ROBO2: variants seen among roughly 807,000 people sequenced by gnomAD.
ROBO2 encodes roundabout guidance receptor 2, also known as roundabout homolog 2.
In ROBO2, 53 loss-of-function variants were observed where a neutral mutation model predicts 160.8. The observed-to-expected ratio is 0.33, with a 90% CI of 0.26 to 0.41. The LOEUF is 0.41. Ranked by LOEUF, ROBO2 falls within the 10% of genes least tolerant of loss-of-function variation. The pLI, the probability that ROBO2 is intolerant of heterozygous loss-of-function variation, is 1.00. For synonymous variants in ROBO2, 664 were observed against 611.7 expected, an observed-to-expected ratio of 1.09 and a Z score of -1.26; for missense variants, 1,577 against 1,722.4, an observed-to-expected ratio of 0.92 and a Z score of 1.49.
At chr3:75,936,964 G>A (rs1947810854) in intron 1 of ROBO2, among the ~76,000 whole-genome samples, 1 of 151,956 alleles carries the variant, frequency 6.6e-6, no homozygotes, top group Admixed American at 6.6e-5. Flanking sequence ...TTTTGCACAT[G>A]ATGAATCTCT....
chr3:76,138,788 C>T (rs1386606360), intron 2 of ROBO2, among the ~76,000 whole-genome samples: 1 of 152,090 alleles, frequency 6.6e-6, no homozygotes, highest in Non-Finnish European at 1.5e-5. Context: ...ACTGTGTTCA[C>T]AATGCCATTT....
In ROBO2 at chr3:76,087,904, G is replaced by A. The variant is rs554017045; in HGVS notation, c.109+150302G>A. ...AATTTTAATTCTAATTAATATGGAT[G>A]ATATTAACACACTAAAGACAAAGAT... On this transcript the variant is annotated intron_variant, in intron 2 of 26. Coordinates refer to the ROBO2 transcript ENST00000487694. Among the ~76,000 whole-genome samples the A allele has an allele frequency of 2.0e-5, 3 of 152,090 alleles. No individual in the cohort carries two copies. The South Asian group carries it at 6.2e-4, about 32-fold the overall frequency.
chr3:75,961,187 T>A (rs1192889189), intron 2 of ROBO2, among the ~76,000 whole-genome samples: 1 of 151,634 alleles, frequency 6.6e-6, no homozygotes, highest in Non-Finnish European at 1.5e-5. Context: ...AGTTGGAGAA[T>A]GGCACTTTTT....
At chr3:76,434,234 T>C in intron 2 of ROBO2, 1 of 1,029,268 alleles carries the variant, frequency 9.7e-7, no homozygotes, top group Non-Finnish European at 1.5e-6. Flanking sequence ...TCCACACAGG[T>C]TTGACGTTGG....
chr3:76,111,779 A>C (rs542450616), intron 2 of ROBO2, among the ~76,000 whole-genome samples: 3 of 152,158 alleles, frequency 2.0e-5, no homozygotes, highest in African/African-American at 7.2e-5. Flanking sequence ...AATACAAGCT[A>C]TAAAGCTGCA....
intron 2 of ROBO2, among the ~76,000 whole-genome samples, chr3:76,380,235 C>G (rs144175316): frequency 6.6e-6 from 1 of 152,018 alleles, no homozygotes; most frequent in African/African-American, 2.4e-5. Context: ...ATTCACTTGG[C>G]TATTTACTTG....
intron 2 of ROBO2, among the ~76,000 whole-genome samples, chr3:77,382,718 C>T (rs376143823): frequency 8.0e-4 from 122 of 152,310 alleles, no homozygotes; most frequent in Non-Finnish European, 1.3e-3. Context: ...ATGGCTTCCG[C>T]CTCCATCCAT....
At chr3:76,815,969 T>C (rs1464735627) in intron 2 of ROBO2, among the ~76,000 whole-genome samples, 2 of 152,114 alleles carry the variant, frequency 1.3e-5, no homozygotes, top group Non-Finnish European at 2.9e-5. Flanking sequence ...TTGTAGCTTT[T>C]CTCATTTATT....
rs1231917913 is a variant in ROBO2 at position 77,524,176 on chromosome 3, T to G, written c.934+1274T>G. ...CTTCTGTAGATATTCTAGTGTGAAT[T>G]TAGATACAAAACATATTTAGACAAA... On this transcript the variant is annotated intron_variant, in intron 6 of 25. Coordinates refer to ENST00000461745, the Ensembl canonical transcript of ROBO2. Among the ~76,000 whole-genome samples, 4 of 151,350 alleles carry G rather than the reference T, an allele frequency of 2.6e-5. No homozygotes were observed. In the East Asian group the frequency reaches 7.8e-4, roughly 30 times the overall value.
At chr3:77,268,449 G>T (rs1452117565) in intron 2 of ROBO2, among the ~76,000 whole-genome samples, 1 of 152,090 alleles carries the variant, frequency 6.6e-6, no homozygotes, top group Non-Finnish European at 1.5e-5. Flanking sequence ...CTGAAGCACT[G>T]GGATTTCCTT....
chr3:76,326,939 A>G (rs1402001192), intron 2 of ROBO2, among the ~76,000 whole-genome samples: 3 of 152,078 alleles, frequency 2.0e-5, no homozygotes, highest in South Asian at 4.1e-4. Context: ...AATGTGGCAC[A>G]TATACACCAT....
At chr3:75,993,701 G>A (rs925204371) in intron 2 of ROBO2, among the ~76,000 whole-genome samples, 1 of 152,032 alleles carries the variant, frequency 6.6e-6, no homozygotes, top group Admixed American at 6.6e-5. Flanking sequence ...GTGATGGTAG[G>A]CAGAGAAGGT....
intron 2 of ROBO2, among the ~76,000 whole-genome samples, chr3:76,983,470 T>C (rs1025769793): frequency 6.6e-6 from 1 of 152,154 alleles, no homozygotes; most frequent in Non-Finnish European, 1.5e-5. Context: ...ACGCCAAGGG[T>C]AAATTTACAT....
intron 9 of ROBO2, among the ~76,000 whole-genome samples, chr3:77,559,904 T>G (rs1403172511): frequency 6.6e-6 from 1 of 152,062 alleles, no homozygotes; most frequent in Non-Finnish European, 1.5e-5. Flanking sequence ...AATACAGATA[T>G]TTTGAGCCTG....
At chr3:77,635,082 A>G (rs1315458286) in intron 24 of ROBO2, 39 bp downstream of exon 25, 10 of 1,601,792 alleles carry the variant, frequency 6.2e-6, no homozygotes, top group African/African-American at 1.3e-5. Context: ...CTCGCTGAAG[A>G]GACGTGCTCC....
At position 77,632,802 on chromosome 3, in the gene ROBO2, C is replaced by T. The variant is rs558135898; in HGVS notation, c.3761-2068C>T. 3.5e-4 allele frequency: 207 copies of T among 595,266 alleles called. 1 individual carries two copies. The East Asian group carries it at 6.1e-3, about 18-fold the overall frequency. The allele number at this position is 595,266 out of a possible 1,614,324, so 36.9% of individuals were successfully genotyped here. ...GAATACAGTTTGGATGCTCCATTAC[C>T]CAAACTCTCTTCTGATGCTAGTTTT... On this transcript the variant is annotated intron_variant, in intron 23 of 25. Transcript: ENST00000461745.
chr3:77,373,463 C>G, intron 2 of ROBO2, among the ~76,000 whole-genome samples: 1 of 151,810 alleles, frequency 6.6e-6, no homozygotes, highest in East Asian at 1.9e-4. Flanking sequence ...AGTTTTACTT[C>G]TATAATACAA....
chr3:76,187,850 C>T (rs1263764108), intron 2 of ROBO2, among the ~76,000 whole-genome samples: 2 of 152,100 alleles, frequency 1.3e-5, no homozygotes, highest in Admixed American at 6.6e-5. Context: ...AATTGGGTCA[C>T]ATAATTCCTA....
chr3:77,010,833 C>CCTCCCTCCCTCCCTCCCTCT, intron 2 of ROBO2, among the ~76,000 whole-genome samples: 1 of 64,026 alleles, frequency 1.6e-5, no homozygotes, highest in African/African-American at 4.1e-5. Context: ...TTCCTTCCTT[C>CCTCCCTCCCTCCCTCCCTCT]CTCCCTCCCT....
Sources: gnomAD v4.1 joint callset for allele counts (sites outside exome capture counted in the v4.1 genomes callset) on GRCh38, gnomAD v4.1.1 for gene constraint, MANE v1.5 for transcripts, NCBI Gene and HGNC (gene_info 2026-07-23, HGNC 2026-07-21) for gene names.